The following OXCT1 variants were observed in gnomAD, a reference collection of about 807,000 sequenced individuals.
The protein encoded by OXCT1 is 3-oxoacid CoA-transferase 1, also known as succinyl-CoA:3-ketoacid coenzyme A transferase 1, mitochondrial.
A neutral mutation model predicts 69.6 loss-of-function variants in OXCT1; 27 were observed. That is an observed-to-expected ratio of 0.39 (90% CI 0.29 to 0.54). The LOEUF is 0.54. Ranked by LOEUF, OXCT1 falls within the 20% of genes least tolerant of loss-of-function variation. The pLI, the probability that OXCT1 is intolerant of heterozygous loss-of-function variation, is 0.72. For synonymous variants in OXCT1, 202 were observed against 217.8 expected, an observed-to-expected ratio of 0.93 and a Z score of 0.64; for missense variants, 437 against 650.2, an observed-to-expected ratio of 0.67 and a Z score of 3.57.
intron 11 of OXCT1, among the ~76,000 whole-genome samples, chr5:41,800,662 A>G (rs1232759116): frequency 6.6e-6 from 1 of 151,848 alleles, no homozygotes; most frequent in Non-Finnish European, 1.5e-5. Flanking sequence ...CCCAGAGGTG[A>G]TAACTCCCTG....
rs553588636 is a variant in OXCT1 at position 41,757,599 on chromosome 5, T to C, written c.1338+4512A>G. 2.6e-5 allele frequency among the ~76,000 whole-genome samples: 4 copies of C among 152,136 alleles called. No individual in the cohort carries two copies. The South Asian group carries it at 8.3e-4, about 31-fold the overall frequency. On this transcript the variant is annotated intron_variant, in intron 14 of 16. Coordinates refer to ENST00000196371, the MANE Select transcript of OXCT1 (RefSeq NM_000436.4). Reference sequence around the variant, plus strand: ...TGAATAAACAAGTAAATTAACATACTCAGAAGGTAATTTTACCAAAATTCA... The same window carrying C: ...TGAATAAACAAGTAAATTAACATACCCAGAAGGTAATTTTACCAAAATTCA...
In OXCT1 at chr5:41,731,488, A is replaced by G; in HGVS notation, c.*241T>C. 1.1e-6 allele frequency: 1 copy of G among 897,272 alleles called. No homozygotes were observed. Among genetic ancestry groups the G allele is most frequent in the Non-Finnish European group, 1.6e-6 (1 of 635,826 alleles). The allele number at this position is 897,272 out of a possible 1,614,324, so 55.6% of individuals were successfully genotyped here. A position where few individuals can be genotyped will look rare whatever the true frequency, so the allele number is the denominator to read the frequency against. On this transcript the variant is annotated 3_prime_UTR_variant, in exon 17 of 17. Transcript: ENST00000196371. Reference sequence around the variant, plus strand: ...GAAAATGCATTCAATATAATTACCTATTATAAAAACAACCTTCTCAGCCTT... The same window carrying G: ...GAAAATGCATTCAATATAATTACCTGTTATAAAAACAACCTTCTCAGCCTT...
chr5:41,807,243 T>C, intron 8 of OXCT1, 88 bp downstream of exon 8: 1 of 773,074 alleles, frequency 1.3e-6, no homozygotes, highest in Non-Finnish European at 2.3e-6. Flanking sequence ...TGCTCAGCTC[T>C]AGTTCCCCAT....
In OXCT1 at chr5:41,801,074, T is replaced by G; in HGVS notation, c.1051-4A>C. ...CATGTTGTCGTGGATATGGACCCTG[T>G]CAAATACAACATACATTCAATTAGT... On this transcript the variant is annotated splice_region_variant and splice_polypyrimidine_tract_variant and intron_variant, in intron 10 of 16. Coordinates refer to ENST00000196371, the MANE Select transcript of OXCT1 (RefSeq NM_000436.4). 6.2e-7 allele frequency: 1 copy of G among 1,604,764 alleles called. No homozygotes were observed. Among genetic ancestry groups the G allele is most frequent in the Non-Finnish European group, 8.5e-7 (1 of 1,171,626 alleles).
chr5:41,850,009 C>T (rs762965512), intron 5 of OXCT1, 21 bp downstream of exon 5: 1 of 1,613,222 alleles, frequency 6.2e-7, no homozygotes, highest in Non-Finnish European at 8.5e-7. Flanking sequence ...CTGGTATAAT[C>T]TGGTTAAGAG....
intron 7 of OXCT1, among the ~76,000 whole-genome samples, chr5:41,820,476 T>C (rs1579807963): frequency 6.6e-6 from 1 of 152,192 alleles, no homozygotes; most frequent in East Asian, 1.9e-4. Context: ...TAGTGAAAGA[T>C]GGAAAACATG....
At chr5:41,791,378 T>G (rs1416241005) in intron 13 of OXCT1, among the ~76,000 whole-genome samples, 1 of 152,220 alleles carries the variant, frequency 6.6e-6, no homozygotes, top group Non-Finnish European at 1.5e-5. Context: ...TCCCACTAGG[T>G]CCATTCCTTT....
Position 41,762,540 on chromosome 5 carries a change from C to T in OXCT1, c.1249-340G>A, listed in dbSNP as rs1046206862. ...CACTATCAGATTGAAATCCAAACAC[C>T]CCTGACATCCACTTCTTTTTAAACA... On this transcript the variant is annotated intron_variant, in intron 13 of 16. Transcript: ENST00000196371. The surrounding 1 kb of genome is among the most constrained non-coding windows in gnomAD (Gnocchi z 4.0). Among the ~76,000 whole-genome samples, 3 of 151,978 alleles carry T rather than the reference C, an allele frequency of 2.0e-5. No homozygotes were observed. Among genetic ancestry groups the T allele is most frequent in the African/African-American group, 4.8e-5 (2 of 41,392 alleles).
chr5:41,733,765 C>T (rs1307219856), intron 16 of OXCT1, among the ~76,000 whole-genome samples: 1 of 152,112 alleles, frequency 6.6e-6, no homozygotes, highest in East Asian at 1.9e-4. Context: ...ACTTTGCCTG[C>T]TTTTTAATGA....
intron 3 of OXCT1, among the ~76,000 whole-genome samples, chr5:41,860,723 C>T (rs980215251): frequency 6.6e-6 from 1 of 152,082 alleles, no homozygotes; most frequent in African/African-American, 2.4e-5. Context: ...CCTAACATAG[C>T]TAAATGTACC....
At chr5:41,783,139 A>C (rs1051189715) in intron 13 of OXCT1, among the ~76,000 whole-genome samples, 2 of 152,234 alleles carry the variant, frequency 1.3e-5, no homozygotes, top group Non-Finnish European at 2.9e-5. Context: ...GGAAAAGGGA[A>C]GTTGAGTACA....
At chr5:41,869,622 C>G (rs1750181433) in intron 1 of OXCT1, among the ~76,000 whole-genome samples, 1 of 152,186 alleles carries the variant, frequency 6.6e-6, no homozygotes, top group Non-Finnish European at 1.5e-5. Context: ...CCCCTGCAGC[C>G]CAGGCGCGGG....
chr5:41,819,947 C>G (rs1457732297), intron 7 of OXCT1, among the ~76,000 whole-genome samples: 2 of 152,028 alleles, frequency 1.3e-5, no homozygotes, highest in Non-Finnish European at 2.9e-5. Flanking sequence ...CAATCAAGTT[C>G]TTATCCTGGG....
chr5:41,807,259 C>T lies in OXCT1; in HGVS notation c.840+72G>A, dbSNP rs1469469872. On this transcript the variant is annotated intron_variant, in intron 8 of 16. Coordinates refer to ENST00000196371, the MANE Select transcript of OXCT1 (RefSeq NM_000436.4). ...GCTCAGCTCTAGTTCCCCATCATCT[C>T]GAATGGCCCCAGGGATGCACTATCT... 16 of 848,774 alleles carry T rather than the reference C, an allele frequency of 1.9e-5. No homozygotes were observed. In the Middle Eastern group the frequency reaches 8.7e-4, roughly 46 times the overall value. The allele number at this position is 848,774 out of a possible 1,614,324, so 52.6% of individuals were successfully genotyped here.
intron 13 of OXCT1, among the ~76,000 whole-genome samples, chr5:41,778,248 A>T (rs1745221300): frequency 6.6e-6 from 1 of 152,222 alleles, no homozygotes; most frequent in African/African-American, 2.4e-5. Context: ...ATTTTCTATA[A>T]ATCAAGTATT....
At chr5:41,848,176 C>T (rs1749012192) in intron 5 of OXCT1, among the ~76,000 whole-genome samples, 1 of 151,700 alleles carries the variant, frequency 6.6e-6, no homozygotes, top group Non-Finnish European at 1.5e-5. Flanking sequence ...AACTCCCATT[C>T]ACAATTGCTT....
chr5:41,787,213 C>G (rs1745680317), intron 13 of OXCT1, among the ~76,000 whole-genome samples: 1 of 151,978 alleles, frequency 6.6e-6, no homozygotes, highest in Non-Finnish European at 1.5e-5. Context: ...CTAAGAAAAC[C>G]ATCAGTAAAT....
In OXCT1 at chr5:41,863,442, A is replaced by G. The variant is rs1029365695; in HGVS notation, c.79-692T>C. Among the ~76,000 whole-genome samples, 9 of 152,094 alleles carry G rather than the reference A, an allele frequency of 5.9e-5. No individual in the cohort carries two copies. In the South Asian group the frequency reaches 1.9e-3, roughly 32 times the overall value. ...AATAAAATTATGTATCCTTTGACCA[A>G]CATCTCACCAACCCCTCACCCCCAG... On this transcript the variant is annotated intron_variant, in intron 1 of 16. Coordinates refer to ENST00000196371, the MANE Select transcript of OXCT1 (RefSeq NM_000436.4).
chr5:41,771,069 A>G (rs1224776168), intron 13 of OXCT1, among the ~76,000 whole-genome samples: 1 of 152,176 alleles, frequency 6.6e-6, no homozygotes, highest in East Asian at 1.9e-4. Flanking sequence ...CAGACAAACC[A>G]CTTTATGCAG....
Sources: allele counts gnomAD v4.1 joint callset (sites outside exome capture counted in the v4.1 genomes callset), GRCh38; gene constraint gnomAD v4.1.1; non-coding constraint Gnocchi (gnomAD v3.1); transcripts MANE v1.5; gene names NCBI Gene and HGNC (gene_info 2026-07-23, HGNC 2026-07-21).